UGT1A8: variants seen among roughly 807,000 people sequenced by gnomAD.
UGT1A8 encodes the protein UDP-glucuronosyltransferase 1A8.
UGT1A8 carries 39 observed loss-of-function variants against 45.3 expected under a neutral mutation model. The ratio of observed to expected loss-of-function variants is 0.86; its 90% CI spans 0.67 to 1.12. The LOEUF (loss-of-function observed/expected upper bound fraction) is 1.12. UGT1A8 is among the 50% of genes most tolerant of loss of function. The probability of loss-of-function intolerance (pLI) is 0.00; values close to 1 mark genes in which losing one functional copy is unlikely to be tolerated. For missense variants in UGT1A8, 719 were observed against 664.9 expected (o/e 1.08, Z -0.90); for synonymous variants, 275 against 249.2 (o/e 1.10, Z -0.97).
intron 1 of UGT1A8, among the ~76,000 whole-genome samples, chr2:233,746,960 G>T (rs1278359250): frequency 6.6e-6 from 1 of 151,782 alleles, no homozygotes; most frequent in African/African-American, 2.4e-5. Flanking sequence ...GCTTGAACTT[G>T]GATGTTCCCC....
chr2:233,768,258 T>C lies in UGT1A8; in HGVS notation c.1114T>C (p.Ser372Pro). 1 of 1,614,230 alleles carries C rather than the reference T, an allele frequency of 6.2e-7. No homozygotes were observed. The highest frequency in any genetic ancestry group is 8.5e-7 in the Non-Finnish European group (1 of 1,180,044). Residue 372 changes from serine (S) to proline (P), a missense_variant, in exon 4 of 5, where the codon TCC becomes CCC. By Grantham distance (74) the Ser-to-Pro change is moderately conservative. Coordinates refer to ENST00000373450, the MANE Select transcript of UGT1A8 (RefSeq NM_019076.5). ...MTRAFITHAG[S>P]HGVYESICNG... Reference sequence around the variant, plus strand: ...CCGTGCCTTTATCACCCATGCTGGTTCCCATGGTGTTTATGAAAGCATATG... The same window carrying C: ...CCGTGCCTTTATCACCCATGCTGGTCCCCATGGTGTTTATGAAAGCATATG...
chr2:233,757,475 A>T (rs1291183794), intron 1 of UGT1A8, among the ~76,000 whole-genome samples: 1 of 148,302 alleles, frequency 6.7e-6, no homozygotes, highest in Non-Finnish European at 1.5e-5. Context: ...CTGTCTCCAA[A>T]ACCATGGACT....
chr2:233,628,194 A>C (rs886540665), intron 1 of UGT1A8, among the ~76,000 whole-genome samples: 4 of 152,056 alleles, frequency 2.6e-5, no homozygotes, highest in Non-Finnish European at 4.4e-5. Flanking sequence ...TGGTTTAATA[A>C]ATTTTTTATT....
At chr2:233,731,933 C>A (rs562066404) in intron 1 of UGT1A8, among the ~76,000 whole-genome samples, 9 of 152,358 alleles carry the variant, frequency 5.9e-5, no homozygotes, top group Admixed American at 1.3e-4. Flanking sequence ...TCTCCACATC[C>A]TCTCCAACAT....
intron 1 of UGT1A8, among the ~76,000 whole-genome samples, chr2:233,651,435 G>GT (rs901570116): frequency 6.6e-5 from 10 of 152,064 alleles, no homozygotes; most frequent in Non-Finnish European, 1.0e-4. Context: ...AAAAATACAT[G>GT]TTTTTTTGTA....
Position 233,617,754 on chromosome 2 carries a change from T to C in UGT1A8, c.47T>C (p.Leu16Pro). Reference sequence around the variant, plus strand: ...AGCCCCATTCCCCTATGTGTTTCTCTGCTGCTGACCTGTGGCTTTGCTGAG... The same window carrying C: ...AGCCCCATTCCCCTATGTGTTTCTCCGCTGCTGACCTGTGGCTTTGCTGAG... Reference protein sequence around the residue: ...WTSPIPLCVSLLLTCGFAEAG... With the variant: ...WTSPIPLCVSPLLTCGFAEAG... Residue 16 changes from leucine to proline, a missense_variant, in exon 1 of 5, where the codon CTG becomes CCG. Physicochemically the swap from Leu to Pro is moderately conservative, Grantham distance 98 (BLOSUM62 -3). Coordinates refer to ENST00000373450, the MANE Select transcript of UGT1A8 (RefSeq NM_019076.5). The C allele has an allele frequency of 6.2e-7, 1 of 1,614,186 alleles. No individual in the cohort carries two copies.
chr2:233,675,135 G>T (rs995853037), intron 1 of UGT1A8, among the ~76,000 whole-genome samples: 13 of 145,500 alleles, frequency 8.9e-5, no homozygotes, highest in African/African-American at 2.7e-4. Flanking sequence ...TCTCCTTGAG[G>T]CTATCCAGGG....
chr2:233,687,395 A>G (rs1354430386), intron 1 of UGT1A8, among the ~76,000 whole-genome samples: 1 of 152,114 alleles, frequency 6.6e-6, no homozygotes, highest in East Asian at 1.9e-4. Flanking sequence ...TAAATATAAT[A>G]AAAGCTAACA....
At chr2:233,691,010 G>C in intron 1 of UGT1A8, 1 of 993,922 alleles carries the variant, frequency 1.0e-6, no homozygotes. Context: ...TCAGAGCAAG[G>C]CTGTGGTTGG....
intron 1 of UGT1A8, among the ~76,000 whole-genome samples, chr2:233,652,507 T>C (rs1482431150): frequency 6.6e-6 from 1 of 152,098 alleles, no homozygotes; most frequent in Non-Finnish European, 1.5e-5. Context: ...AAAAGGAAAA[T>C]TTGTTACATA....
At chr2:233,719,514 G>C (rs1307171724) in intron 1 of UGT1A8, 1 of 1,613,804 alleles carries the variant, frequency 6.2e-7, no homozygotes, top group Non-Finnish European at 8.5e-7. Context: ...TGCCCCTTAT[G>C]CAAGTCTTGC....
chr2:233,724,124 T>C (rs2077171424), intron 1 of UGT1A8, among the ~76,000 whole-genome samples: 1 of 109,210 alleles, frequency 9.2e-6, no homozygotes. Flanking sequence ...GAGGCGCCCC[T>C]CACCTCCCGG....
intron 1 of UGT1A8, among the ~76,000 whole-genome samples, chr2:233,632,095 C>T (rs961723089): frequency 1.3e-5 from 2 of 152,140 alleles, no homozygotes; most frequent in African/African-American, 4.8e-5. Context: ...ATAGGAAATC[C>T]TTGCCCCATT....
intron 2 of UGT1A8, among the ~76,000 whole-genome samples, chr2:233,767,590 G>T (rs1451772167): frequency 6.6e-6 from 1 of 152,126 alleles, no homozygotes; most frequent in Middle Eastern, 3.2e-3. Context: ...CCCTTAAAGT[G>T]CAGGAAAGTG....
intron 1 of UGT1A8, among the ~76,000 whole-genome samples, chr2:233,732,436 GTTTTAGGTCTAACA>G (rs2078272762): frequency 1.3e-5 from 2 of 152,194 alleles, no homozygotes; most frequent in Admixed American, 6.5e-5. Context: ...GATTTTTATG[GTTTTAGGTCTAACA>G]TTTGAGTCTT....
intron 1 of UGT1A8, chr2:233,636,727 T>A: frequency 6.2e-7 from 1 of 1,614,140 alleles, no homozygotes; most frequent in Non-Finnish European, 8.5e-7. Flanking sequence ...ACTGGAAAGA[T>A]CACTGAATTG....
chr2:233,646,220 G>A (rs1280745628), intron 1 of UGT1A8, among the ~76,000 whole-genome samples: 1 of 152,292 alleles, frequency 6.6e-6, no homozygotes. Context: ...CACACAGCAG[G>A]GGGCCCTGGG....
At chr2:233,686,798 C>T (rs1158454360) in intron 1 of UGT1A8, among the ~76,000 whole-genome samples, 4 of 152,174 alleles carry the variant, frequency 2.6e-5, no homozygotes, top group Non-Finnish European at 1.5e-5. Context: ...TTCCACCTCC[C>T]CTGTTACTTT....
At chr2:233,638,426 A>G (rs950382267) in intron 1 of UGT1A8, among the ~76,000 whole-genome samples, 3 of 152,208 alleles carry the variant, frequency 2.0e-5, no homozygotes, top group African/African-American at 7.2e-5. Context: ...CATTAGATGT[A>G]CAATATACAA....
Sources: allele counts gnomAD v4.1 joint callset (sites outside exome capture counted in the v4.1 genomes callset), GRCh38; gene constraint gnomAD v4.1.1; transcripts MANE v1.5; gene names NCBI Gene and HGNC (gene_info 2026-07-23, HGNC 2026-07-21).